HACD2: variants seen among roughly 807,000 people sequenced by gnomAD.
HACD2 encodes the protein 3-hydroxyacyl-CoA dehydratase 2.
In HACD2, 15 loss-of-function variants were observed where a neutral mutation model predicts 31.0. That is an observed-to-expected ratio of 0.48 (90% CI 0.32 to 0.75). The LOEUF is 0.75. HACD2 is among the 30% of genes least tolerant of loss of function. The pLI, the probability that HACD2 is intolerant of heterozygous loss-of-function variation, is 0.03. For synonymous variants in HACD2, 115 were observed against 122.2 expected, an observed-to-expected ratio of 0.94 and a Z score of 0.39; for missense variants, 283 against 313.0, an observed-to-expected ratio of 0.90 and a Z score of 0.72.
At chr3:123,584,611 A>C in intron 1 of HACD2, 1 of 300,116 alleles carries the variant, frequency 3.3e-6, no homozygotes, top group Non-Finnish European at 6.1e-6. Context: ...GGCCCTCGCG[A>C]GCCAGCGCCC....
chr3:123,500,288 C>T (rs897261802), intron 6 of HACD2, among the ~76,000 whole-genome samples: 2 of 152,128 alleles, frequency 1.3e-5, no homozygotes, highest in Admixed American at 6.6e-5. Context: ...AACCCACATG[C>T]TGAGAAGGGC....
intron 6 of HACD2, among the ~76,000 whole-genome samples, chr3:123,498,596 G>A (rs2055863847): frequency 6.6e-6 from 1 of 152,188 alleles, no homozygotes; most frequent in Non-Finnish European, 1.5e-5. Context: ...TGTTTCTTAT[G>A]AGAATCTAAT....
intron 4 of HACD2, among the ~76,000 whole-genome samples, chr3:123,510,642 G>A (rs187177141): frequency 5.0e-4 from 76 of 152,288 alleles, no homozygotes; most frequent in East Asian, 4.6e-3. Context: ...GTCATTGTAC[G>A]TATATACTAC....
chr3:123,545,674 T>C (rs998305424), intron 3 of HACD2, among the ~76,000 whole-genome samples: 104 of 150,090 alleles, frequency 6.9e-4, no homozygotes, highest in African/African-American at 2.4e-3. Context: ...ATACAACTTA[T>C]TTACAATCAT....
chr3:123,568,142 C>T (rs1345174566), intron 2 of HACD2, among the ~76,000 whole-genome samples: 1 of 152,208 alleles, frequency 6.6e-6, no homozygotes, highest in Non-Finnish European at 1.5e-5. Flanking sequence ...AACAGAACCA[C>T]CACGGACTCC....
intron 2 of HACD2, among the ~76,000 whole-genome samples, chr3:123,581,371 G>GTGTC (rs1234710198): frequency 2.0e-5 from 3 of 152,174 alleles, no homozygotes; most frequent in Admixed American, 6.5e-5. Context: ...GAATGGGCAT[G>GTGTC]TGTCCTAAGA....
intron 6 of HACD2, among the ~76,000 whole-genome samples, chr3:123,497,256 C>T (rs1217416267): frequency 2.6e-5 from 4 of 152,230 alleles, no homozygotes; most frequent in Non-Finnish European, 5.9e-5. Flanking sequence ...AAAAACCCCT[C>T]AACCCGACAA....
At chr3:123,550,718 C>G (rs1041153798) in intron 3 of HACD2, among the ~76,000 whole-genome samples, 1 of 152,110 alleles carries the variant, frequency 6.6e-6, no homozygotes, top group Non-Finnish European at 1.5e-5. Flanking sequence ...GTGGTGTCTG[C>G]AGAGGAACCA....
chr3:123,500,543 C>T lies in HACD2; in HGVS notation c.654G>A (p.Leu218=). The T allele has an allele frequency of 6.2e-7, 1 of 1,606,508 alleles. No homozygotes were observed. The highest frequency in any genetic ancestry group is 2.2e-5 in the East Asian group (1 of 44,844). ...YNFSFDYYAF[L]ILIMISYIPI... ...GAATGTAGGAGATCATTATTAGAAT[C>T]AGGAATGCATAGTAGTCAAAAGAGA... Residue 218 remains leucine, a synonymous_variant, in exon 6 of 7, where the codon CTG becomes CTA. Transcript: ENST00000383657.
intron 3 of HACD2, among the ~76,000 whole-genome samples, chr3:123,544,395 A>G (rs1157131681): frequency 6.6e-6 from 1 of 152,174 alleles, no homozygotes; most frequent in East Asian, 1.9e-4. Context: ...CAACCCACAC[A>G]GAACATTAAA....
At position 123,517,970 on chromosome 3, in the gene HACD2, A is replaced by ATT. The variant is rs1465047559; in HGVS notation, c.381+10415_381+10416insAA. On this transcript the variant is annotated intron_variant, in intron 4 of 6. Coordinates refer to ENST00000383657, the MANE Select transcript of HACD2 (RefSeq NM_198402.5). ...CACTTTGGGAGGCCGAGGCGGGCGG[A>ATT]TCACGAGGTCAGGAGATCGAGACCA... Among the ~76,000 whole-genome samples, 131 of 1,848 alleles carry ATT rather than the reference A, an allele frequency of 0.071. 61 individuals are homozygous for ATT. In the East Asian group the frequency reaches 1, roughly 14 times the overall value. The allele number at this position is 1,848 out of a possible 152,430, so 1.2% of individuals were successfully genotyped here.
chr3:123,507,284 T>C (rs1032618213), intron 4 of HACD2, among the ~76,000 whole-genome samples: 1 of 152,186 alleles, frequency 6.6e-6, no homozygotes, highest in Middle Eastern at 3.4e-3. Flanking sequence ...GTTTAATAAG[T>C]CTGCTCAAAG....
At chr3:123,580,158 C>T (rs1460318275) in intron 2 of HACD2, among the ~76,000 whole-genome samples, 1 of 148,028 alleles carries the variant, frequency 6.8e-6, no homozygotes, top group African/African-American at 2.6e-5. Context: ...CAGAGTAAGG[C>T]CCTGTGTCAA....
chr3:123,494,936 CTG>C lies in HACD2; in HGVS notation c.715_716del (p.Gln239GlufsTer9). On this transcript the variant is annotated frameshift_variant, in exon 7 of 7. Coordinates refer to ENST00000383657, the MANE Select transcript of HACD2 (RefSeq NM_198402.5). LOFTEE classifies it high-confidence loss of function. ...CAGTATGAGAAAGGATCTTTCTTCT[CTG>C]GTGTATCATGTGGAAGTATAACTGG... is the stretch of plus-strand genomic sequence containing the variant. ...FPQLYFHMIHQRRKILSHTEE... is the reference protein window; with the variant it reads ...FPQLYFHMIHXRRKILSHTEE... 1 of 1,560,810 alleles carries C rather than the reference CTG, an allele frequency of 6.4e-7. No homozygotes were observed. The highest frequency in any genetic ancestry group is 8.7e-7 in the Non-Finnish European group (1 of 1,151,224).
Position 123,584,976 on chromosome 3 carries a change from C to CA in HACD2, c.51dup (p.Gly18TrpfsTer50). 1 of 1,525,448 alleles carries CA rather than the reference C, an allele frequency of 6.6e-7. No homozygotes were observed. The highest frequency in any genetic ancestry group is 1.2e-5 in the South Asian group (1 of 81,888). 94.5% of individuals were successfully genotyped at this position (1,525,448 alleles called of 1,614,324 possible). A position where few individuals can be genotyped will look rare whatever the true frequency, so the allele number is the denominator to read the frequency against. ...CTGGCGTCCCCGGCCCCGGCCCTGCCACCGCCGCCCCCATTCCCCTTCGCT... is the reference window on the plus strand; with the variant it reads ...CTGGCGTCCCCGGCCCCGGCCCTGCCAACCGCCGCCCCCATTCCCCTTCGCT... On this transcript the variant is annotated frameshift_variant, in exon 1 of 7. Transcript: ENST00000383657. LOFTEE classifies it high-confidence loss of function.
intron 4 of HACD2, among the ~76,000 whole-genome samples, chr3:123,515,702 A>G (rs1172722301): frequency 1.3e-5 from 2 of 152,176 alleles, no homozygotes; most frequent in African/African-American, 4.8e-5. Flanking sequence ...TGTAATAGTA[A>G]TAGATACACA....
At chr3:123,554,872 C>T (rs141570094) in intron 3 of HACD2, among the ~76,000 whole-genome samples, 112 of 152,200 alleles carry the variant, frequency 7.4e-4, no homozygotes, top group African/African-American at 2.5e-3. Context: ...TTTTTAAATG[C>T]TAAAGTCACA....
At chr3:123,502,229 T>C (rs3100790) in intron 5 of HACD2, among the ~76,000 whole-genome samples, 79,896 of 152,058 alleles carry the variant, frequency 0.53, 24,570 homozygotes, top group Non-Finnish European at 0.69. Context: ...TAAAATGTGA[T>C]GATATGGACA....
intron 4 of HACD2, among the ~76,000 whole-genome samples, chr3:123,514,582 TAAGAAAAC>T (rs2056109377): frequency 6.6e-6 from 1 of 152,158 alleles, no homozygotes; most frequent in Non-Finnish European, 1.5e-5. Flanking sequence ...ATAACATTTA[TAAGAAAAC>T]ATATCAACAA....
Sources: allele counts gnomAD v4.1 joint callset (sites outside exome capture counted in the v4.1 genomes callset), GRCh38; gene constraint gnomAD v4.1.1; transcripts MANE v1.5; gene names NCBI Gene and HGNC (gene_info 2026-07-23, HGNC 2026-07-21).